Variants in FSIP2 observed in about 807,000 individuals in gnomAD.
The protein encoded by FSIP2 is fibrous sheath interacting protein 2.
FSIP2 carries 367 observed loss-of-function variants against 510.5 expected under a neutral mutation model. That is an observed-to-expected ratio of 0.72 (90% CI 0.66 to 0.78). The LOEUF (loss-of-function observed/expected upper bound fraction) is 0.78. FSIP2 is among the 30% of genes least tolerant of loss of function. FSIP2 has a pLI of 0.00. For missense variants in FSIP2, 7,594 were observed against 7,901.7 expected, an observed-to-expected ratio of 0.96 and a Z score of 1.48; for synonymous variants, 2,601 against 2,732.2, an observed-to-expected ratio of 0.95 and a Z score of 1.50.
intron 13 of FSIP2, among the ~76,000 whole-genome samples, chr2:185,778,596 C>T (rs1005259428): frequency 6.6e-6 from 1 of 151,644 alleles, no homozygotes; most frequent in Non-Finnish European, 1.5e-5. Context: ...GCATTGTAGA[C>T]TGAGAGTATG....
chr2:185,754,350 A>G (rs1692202224), intron 8 of FSIP2, among the ~76,000 whole-genome samples: 1 of 151,450 alleles, frequency 6.6e-6, no homozygotes, highest in African/African-American at 2.4e-5. Flanking sequence ...TTTCGCTTCG[A>G]TATTAGATAA....
intron 12 of FSIP2, 89 bp from the exon 13 acceptor site, chr2:185,764,413 G>C: frequency 1.5e-6 from 1 of 660,726 alleles, no homozygotes; most frequent in South Asian, 2.1e-5. Context: ...TTAAATTTCT[G>C]TACTATAAAT....
chr2:185,790,538 C>G lies in FSIP2; in HGVS notation c.3402C>G (p.Gly1134=), dbSNP rs1185237584. 5 of 1,533,850 alleles carry G rather than the reference C, an allele frequency of 3.3e-6. No individual in the cohort carries two copies. The highest frequency in any genetic ancestry group is 2.0e-5 in the Admixed American group (1 of 50,772). The change falls in exon 16 of 23, where the codon GGC becomes GGG. Residue 1134 remains glycine, a synonymous_variant. Coordinates refer to ENST00000424728, the MANE Select transcript of FSIP2 (RefSeq NM_173651.4). ...TTGGTCACTTAGACAGCAAAACTGGCAGTGAAGCTTCAGTTCTTGTTTCAG... is the reference window on the plus strand; with the variant it reads ...TTGGTCACTTAGACAGCAAAACTGGGAGTGAAGCTTCAGTTCTTGTTTCAG... ...VPFGHLDSKT[G]SEASVLVSEK... is the part of the protein sequence containing the mutation.
In FSIP2 at chr2:185,828,167, G is replaced by T; in HGVS notation, c.20485G>T (p.Glu6829Ter). Residue 6829 changes from glutamate (E) to a stop codon, truncating the protein, a stop_gained, in exon 21 of 23, where the codon GAA (glutamate) becomes TAA (stop). Transcript: ENST00000424728. LOFTEE classifies it high-confidence loss of function. ...TTTAATCTCTACAGAAAGTTCTCAG[G>T]AACAAAAGCCAGAGCATGGAAACAG... is the stretch of plus-strand genomic sequence containing the variant. ...SAKILEESSQ[E>*]QKPEHGNSVK... 2 of 1,577,266 alleles carry T rather than the reference G, an allele frequency of 1.3e-6. No individual in the cohort carries two copies. The highest frequency in any genetic ancestry group is 2.2e-5 in the South Asian group (2 of 89,458).
chr2:185,795,748 T>G lies in FSIP2; in HGVS notation c.8612T>G (p.Ile2871Arg). 6.5e-7 allele frequency: 1 copy of G among 1,533,128 alleles called. No homozygotes were observed. 95.0% of individuals were successfully genotyped at this position (1,533,128 alleles called of 1,614,324 possible). A position where few individuals can be genotyped will look rare whatever the true frequency, so the allele number is the denominator to read the frequency against. Residue 2871 changes from isoleucine to arginine, a missense_variant, in exon 16 of 23, where the codon ATA (isoleucine) becomes AGA (arginine). Transcript: ENST00000424728. ...IAENVLTEISIKAKELEYSLS... is the reference protein window; with the variant it reads ...IAENVLTEISRKAKELEYSLS... ...GAAAATGTTTTGACTGAAATTTCAATAAAAGCAAAAGAATTAGAATATTCT... is the reference window on the plus strand; with the variant it reads ...GAAAATGTTTTGACTGAAATTTCAAGAAAAGCAAAAGAATTAGAATATTCT...
At position 185,794,092 on chromosome 2, in the gene FSIP2, C is replaced by T; in HGVS notation, c.6956C>T (p.Thr2319Ile). 2 of 1,530,416 alleles carry T rather than the reference C, an allele frequency of 1.3e-6. No individual in the cohort carries two copies. Among genetic ancestry groups the T allele is most frequent in the Non-Finnish European group, 1.7e-6 (2 of 1,143,408 alleles). The allele number at this position is 1,530,416 out of a possible 1,614,324, so 94.8% of individuals were successfully genotyped here. A position where few individuals can be genotyped will look rare whatever the true frequency, so the allele number is the denominator to read the frequency against. ...GTCCTGAAAATATCAGCAACTGAAA[C>T]CATTCTCAGCCAAGAGCTTACAGAT... The part of the protein sequence containing the change: ...VNVLKISATE[T>I]ILSQELTDFT... Residue 2319 changes from threonine to isoleucine, a missense_variant, in exon 16 of 23, where the codon ACC (threonine) becomes ATC (isoleucine). Thr to Ile is a moderately conservative substitution (Grantham distance 89). Transcript: ENST00000424728.
At chr2:185,739,179 G>C (rs1691868417) in intron 1 of FSIP2, 167 bp from the exon 2 acceptor site, 2 of 1,127,588 alleles carry the variant, frequency 1.8e-6, no homozygotes, top group Non-Finnish European at 2.4e-6. Context: ...GGCAGGCGCG[G>C]GACGCCAGGA....
rs188892408 is a variant in FSIP2 at position 185,761,244 on chromosome 2, T to A, written c.1194+141T>A. The A allele has an allele frequency of 1.9e-5, 8 of 413,088 alleles. No individual in the cohort carries two copies. In the East Asian group the frequency reaches 2.1e-4, roughly 11 times the overall value. The allele number at this position is 413,088 out of a possible 1,614,324, so 25.6% of individuals were successfully genotyped here. A position where few individuals can be genotyped will look rare whatever the true frequency, so the allele number is the denominator to read the frequency against. On this transcript the variant is annotated intron_variant, in intron 10 of 22. Transcript: ENST00000424728. ...TTTTATTCATGAAACATGATCCATTTTCCTGGCAGAAAAAGTGTTAAGTTA... is the reference window on the plus strand; with the variant it reads ...TTTTATTCATGAAACATGATCCATTATCCTGGCAGAAAAAGTGTTAAGTTA...
Position 185,796,270 on chromosome 2 carries a change from C to CACTGAA in FSIP2, c.9136_9141dup (p.Leu3046_Lys3047dup), listed in dbSNP as rs2105626793. The CACTGAA allele has an allele frequency of 6.5e-7, 1 of 1,532,496 alleles. No homozygotes were observed. Among genetic ancestry groups the CACTGAA allele is most frequent in the Non-Finnish European group, 8.7e-7 (1 of 1,145,272 alleles). 94.9% of individuals were successfully genotyped at this position (1,532,496 alleles called of 1,614,324 possible). ...AAAAAAATGTTGCCAAAATTACAAC[C>CACTGAA]ACTGAAAATGTTTTCTGATAAATCC... is the stretch of plus-strand genomic sequence containing the variant. On this transcript the variant is annotated inframe_insertion, in exon 16 of 23. Coordinates refer to ENST00000424728, the MANE Select transcript of FSIP2 (RefSeq NM_173651.4).
intron 2 of FSIP2, among the ~76,000 whole-genome samples, chr2:185,742,454 A>T (rs1055364200): frequency 7.9e-5 from 12 of 152,178 alleles, no homozygotes; most frequent in African/African-American, 2.9e-4. Flanking sequence ...TTTGGTCTTC[A>T]CACAAATAGA....
chr2:185,824,540 T>C, intron 20 of FSIP2, 60 bp downstream of exon 20: 1 of 1,001,156 alleles, frequency 1.0e-6, no homozygotes, highest in Non-Finnish European at 1.5e-6. Context: ...TGTTTTTTTT[T>C]TAGTTATCAA....
chr2:185,751,409 A>G (rs995483074), intron 7 of FSIP2, among the ~76,000 whole-genome samples: 1 of 149,144 alleles, frequency 6.7e-6, no homozygotes, highest in African/African-American at 2.5e-5. Context: ...TTAGCACGGC[A>G]TATTATTTTC....
Position 185,738,993 on chromosome 2 carries a change from C to G in FSIP2, c.99C>G (p.Asp33Glu), listed in dbSNP as rs771604128. 4.6e-5 allele frequency: 71 copies of G among 1,531,414 alleles called. No individual in the cohort carries two copies. In the South Asian group the frequency reaches 7.9e-4, roughly 17 times the overall value. The allele number at this position is 1,531,414 out of a possible 1,614,324, so 94.9% of individuals were successfully genotyped here. A position where few individuals can be genotyped will look rare whatever the true frequency, so the allele number is the denominator to read the frequency against. The change falls in exon 1 of 23, where the codon GAC becomes GAG. Residue 33 changes from aspartate to glutamate, a missense_variant and splice_region_variant. Asp to Glu is a conservative substitution (Grantham distance 45). Transcript: ENST00000424728. ...VLAADTQQCR[D>E]GVHKTHFAGV... ...CCGCGGACACCCAGCAGTGCAGAGA[C>G]GTGAGTGGCCGCAAGCTGGGCGGCG...
At chr2:185,747,950 A>G (rs891563582) in intron 7 of FSIP2, among the ~76,000 whole-genome samples, 1 of 152,050 alleles carries the variant, frequency 6.6e-6, no homozygotes, top group East Asian at 1.9e-4. Flanking sequence ...AAGCATTGCA[A>G]GCTGTTCTGT....
At chr2:185,786,987 G>C (rs939575870) in intron 15 of FSIP2, among the ~76,000 whole-genome samples, 19 of 151,774 alleles carry the variant, frequency 1.3e-4, no homozygotes, top group African/African-American at 4.6e-4. Flanking sequence ...GAAAACGTTA[G>C]AAATATATCC....
chr2:185,776,039 A>T (rs1021961535), intron 13 of FSIP2, among the ~76,000 whole-genome samples: 7 of 152,124 alleles, frequency 4.6e-5, no homozygotes, highest in Non-Finnish European at 1.0e-4. Flanking sequence ...GGAGGCCGAG[A>T]CGGGTGCATC....
In FSIP2 at chr2:185,797,062, AAC is replaced by A. The variant is rs1390587777; in HGVS notation, c.9927_9928del (p.Lys3309AsnfsTer4). 1 of 1,535,274 alleles carries A rather than the reference AAC, an allele frequency of 6.5e-7. No individual in the cohort carries two copies. Among genetic ancestry groups the A allele is most frequent in the Non-Finnish European group, 8.7e-7 (1 of 1,146,348 alleles). ...AGAGTGTTTCATTATGAGAACCTAAAACCAGTTGTTGAACCAAACCAAATTCA... is the reference window on the plus strand; with the variant it reads ...AGAGTGTTTCATTATGAGAACCTAAACAGTTGTTGAACCAAACCAAATTCA... On this transcript the variant is annotated frameshift_variant, in exon 16 of 23. Coordinates refer to ENST00000424728, the MANE Select transcript of FSIP2 (RefSeq NM_173651.4). LOFTEE classifies it high-confidence loss of function.
intron 7 of FSIP2, 61 bp downstream of exon 7, chr2:185,747,484 T>C (rs996494796): frequency 7.4e-5 from 68 of 921,848 alleles, no homozygotes; most frequent in Non-Finnish European, 1.1e-4. Context: ...TTTTGGTTTT[T>C]TGAAGTACAA....
intron 12 of FSIP2, among the ~76,000 whole-genome samples, chr2:185,764,005 T>C (rs965117678): frequency 2.6e-5 from 4 of 151,672 alleles, no homozygotes; most frequent in Non-Finnish European, 4.4e-5. Context: ...ACATTAAATA[T>C]GCTAAGAATA....
Sources: allele counts gnomAD v4.1 joint callset (sites outside exome capture counted in the v4.1 genomes callset), GRCh38; gene constraint gnomAD v4.1.1; transcripts MANE v1.5; gene names NCBI Gene and HGNC (gene_info 2026-07-23, HGNC 2026-07-21).